SP140L: variants seen among roughly 807,000 people sequenced by gnomAD.
The protein encoded by SP140L is SP140 like nuclear body protein, also known as nuclear body protein SP140-like protein.
SP140L carries 64 observed loss-of-function variants against 84.3 expected under a neutral mutation model. That is an observed-to-expected ratio of 0.76 (90% CI 0.62 to 0.94). SP140L has a LOEUF of 0.94. Ranked by LOEUF, SP140L falls within the 40% of genes least tolerant of loss-of-function variation. The probability of loss-of-function intolerance (pLI) is 0.00; values close to 1 mark genes in which losing one functional copy is unlikely to be tolerated. For missense variants in SP140L, 628 were observed against 692.5 expected (o/e 0.91, Z 1.05); for synonymous variants, 242 against 236.9 (o/e 1.02, Z -0.20).
At chr2:230,345,478 T>A (rs1038340022) in intron 2 of SP140L, among the ~76,000 whole-genome samples, 9 of 152,202 alleles carry the variant, frequency 5.9e-5, no homozygotes, top group African/African-American at 2.2e-4. Context: ...TTTCTTTTGA[T>A]TGGAGAATTT....
At chr2:230,352,678 C>G (rs1348832484) in intron 2 of SP140L, among the ~76,000 whole-genome samples, 1 of 152,098 alleles carries the variant, frequency 6.6e-6, no homozygotes, top group Non-Finnish European at 1.5e-5. Flanking sequence ...TATTAGGTCT[C>G]TCTCTAGTTT....
intron 9 of SP140L, among the ~76,000 whole-genome samples, chr2:230,385,796 C>T (rs2061557424): frequency 6.6e-6 from 1 of 152,212 alleles, no homozygotes; most frequent in Non-Finnish European, 1.5e-5. Flanking sequence ...CACCTTCCCT[C>T]CTTCAGCCTG....
At chr2:230,369,924 C>T (rs933960375) in intron 5 of SP140L, among the ~76,000 whole-genome samples, 2 of 149,082 alleles carry the variant, frequency 1.3e-5, no homozygotes, top group Non-Finnish European at 2.9e-5. Flanking sequence ...CAGGCGCACG[C>T]CACCACACCC....
intron 7 of SP140L, 134 bp downstream of exon 7, chr2:230,371,785 A>T (rs924525531): frequency 2.5e-6 from 2 of 790,420 alleles, no homozygotes; most frequent in Non-Finnish European, 4.2e-6. Flanking sequence ...GGCCACCCCA[A>T]AAAACGTCCA....
intron 7 of SP140L, among the ~76,000 whole-genome samples, chr2:230,380,491 T>C (rs1820549): frequency 0.48 from 72,839 of 151,970 alleles, 18,109 homozygotes; most frequent in South Asian, 0.66. Context: ...TTTTTTAAGA[T>C]AAAATTTACA....
intron 5 of SP140L, among the ~76,000 whole-genome samples, chr2:230,366,710 CT>C (rs1265221951): frequency 0.076 from 11,004 of 144,514 alleles, 574 homozygotes; most frequent in South Asian, 0.21. Context: ...GGATTATTAT[CT>C]ATTATTATTA....
intron 2 of SP140L, among the ~76,000 whole-genome samples, chr2:230,347,986 G>A (rs2060259593): frequency 6.6e-6 from 1 of 152,202 alleles, no homozygotes; most frequent in African/African-American, 2.4e-5. Flanking sequence ...AACACAGGTG[G>A]TCTAGCCCCA....
In SP140L at chr2:230,331,747, CAT is replaced by C. The variant is rs2059730712; in HGVS notation, c.107+2917_107+2918del. ...TAAACAGGAACTCGTTTTCCTTTTA[CAT>C]TTTCTAGTTATTTCTTTCTGGCATA... On this transcript the variant is annotated intron_variant, in intron 2 of 18. Transcript: ENST00000415673. Among the ~76,000 whole-genome samples, 3 of 152,206 alleles carry C rather than the reference CAT, an allele frequency of 2.0e-5. No homozygotes were observed. The South Asian group carries it at 6.2e-4, about 32-fold the overall frequency.
At position 230,387,660 on chromosome 2, in the gene SP140L, G is replaced by A. The variant is rs142600344; in HGVS notation, c.785-899G>A. ...GGATGGTGGACATCCAGCACAAGGA[G>A]GAAGGAACATTTTGCTTTCCTGCTT... On this transcript the variant is annotated intron_variant, in intron 9 of 18. Transcript: ENST00000415673. Among the ~76,000 whole-genome samples the A allele has an allele frequency of 6.0e-3, 911 of 152,266 alleles. 22 individuals carry two copies. Among genetic ancestry groups the A allele is most frequent in the Admixed American group, 0.023 (346 of 15,288 alleles).
intron 7 of SP140L, among the ~76,000 whole-genome samples, chr2:230,376,811 A>T (rs747761179): frequency 4.6e-5 from 7 of 152,188 alleles, no homozygotes; most frequent in Non-Finnish European, 1.0e-4. Context: ...ACACCGTATG[A>T]TTTTAAACTA....
chr2:230,355,343 G>A (rs1221229017), intron 2 of SP140L, among the ~76,000 whole-genome samples: 1 of 152,110 alleles, frequency 6.6e-6, no homozygotes, highest in Non-Finnish European at 1.5e-5. Flanking sequence ...ATCCTTTAAA[G>A]TAGCACCAGA....
At chr2:230,357,364 C>T (rs181770308) in intron 2 of SP140L, among the ~76,000 whole-genome samples, 2 of 152,154 alleles carry the variant, frequency 1.3e-5, no homozygotes, top group Non-Finnish European at 2.9e-5. Flanking sequence ...TAGAGAAGGA[C>T]ATCTTATTTT....
At chr2:230,354,374 C>A (rs2060453863) in intron 2 of SP140L, among the ~76,000 whole-genome samples, 1 of 152,268 alleles carries the variant, frequency 6.6e-6, no homozygotes, top group South Asian at 2.1e-4. Flanking sequence ...GATAGGAACT[C>A]AGCAAATTAG....
chr2:230,380,203 T>C (rs1559445366), intron 7 of SP140L, among the ~76,000 whole-genome samples: 1 of 152,058 alleles, frequency 6.6e-6, no homozygotes, highest in African/African-American at 2.4e-5. Context: ...GGGGTTTCCT[T>C]TATAAAACCA....
chr2:230,400,104 G>A (rs754979852), intron 14 of SP140L, 23 bp from the exon 15 acceptor site: 13 of 1,612,920 alleles, frequency 8.1e-6, no homozygotes, highest in African/African-American at 2.7e-5. Context: ...TCCCAGTGAC[G>A]TGGACACTGT....
In SP140L at chr2:230,392,097, A is replaced by G. The variant is rs7559665; in HGVS notation, c.975A>G (p.Ala325=). The G allele has an allele frequency of 0.28, 455,503 of 1,613,446 alleles. 66,439 individuals carry two copies. Among genetic ancestry groups the G allele is most frequent in the Non-Finnish European group, 0.3 (353,633 of 1,179,620 alleles). The change falls in exon 12 of 19, where the codon GCA becomes GCG. Residue 325 remains alanine (A), a synonymous_variant. Transcript: ENST00000415673. ...ACCCTGGTCTTACAGGAACCTTGGC[A>G]AAGTGTATACAGACTGAGGATGGAA... ...HKEKLEQGTL[A]KCIQTEDGKW...
At chr2:230,399,598 T>C (rs2062217719) in intron 14 of SP140L, among the ~76,000 whole-genome samples, 1 of 152,154 alleles carries the variant, frequency 6.6e-6, no homozygotes, top group South Asian at 2.1e-4. Flanking sequence ...CCCTCAAAGG[T>C]AGGTGCACAG....
intron 7 of SP140L, among the ~76,000 whole-genome samples, chr2:230,373,657 A>G (rs1348402946): frequency 6.6e-6 from 1 of 152,234 alleles, no homozygotes. Context: ...ATGGAGGTAT[A>G]CAAGGTGATT....
intron 14 of SP140L, among the ~76,000 whole-genome samples, chr2:230,398,335 C>T (rs1284838027): frequency 1.3e-5 from 2 of 152,112 alleles, no homozygotes; most frequent in Non-Finnish European, 2.9e-5. Flanking sequence ...GTCTAATGTA[C>T]AGCCAGGCCA....
Sources: gnomAD v4.1 joint callset for allele counts (sites outside exome capture counted in the v4.1 genomes callset) on GRCh38, gnomAD v4.1.1 for gene constraint, MANE v1.5 for transcripts, NCBI Gene and HGNC (gene_info 2026-07-23, HGNC 2026-07-21) for gene names.